Variants in SNTG1 observed in about 807,000 individuals in gnomAD.
The protein encoded by SNTG1 is syntrophin gamma 1.
SNTG1 carries 39 observed loss-of-function variants against 74.7 expected under a neutral mutation model. That is an observed-to-expected ratio of 0.52 (90% CI 0.40 to 0.68). The LOEUF is 0.68. SNTG1 is among the 30% of genes least tolerant of loss of function. The pLI is 0.00. For missense variants in SNTG1, 685 were observed against 609.5 expected, an observed-to-expected ratio of 1.12 and a Z score of -1.30; for synonymous variants, 254 against 217.1, an observed-to-expected ratio of 1.17 and a Z score of -1.49.
chr8:50,026,276 G>A (rs1050376292), intron 1 of SNTG1, among the ~76,000 whole-genome samples: 1 of 152,120 alleles, frequency 6.6e-6, no homozygotes, highest in East Asian at 1.9e-4. Context: ...TGTGCAGAGG[G>A]TAGTGGTTGA....
intron 15 of SNTG1, among the ~76,000 whole-genome samples, chr8:50,683,349 C>G (rs1243408438): frequency 6.6e-6 from 1 of 152,124 alleles, no homozygotes; most frequent in Non-Finnish European, 1.5e-5. Context: ...AAGGGGAAGA[C>G]AGTATCTAAT....
At chr8:50,063,178 C>G (rs1820621287) in intron 1 of SNTG1, among the ~76,000 whole-genome samples, 1 of 152,186 alleles carries the variant, frequency 6.6e-6, no homozygotes, top group East Asian at 1.9e-4. Context: ...TACGTAATCT[C>G]AGATATCCAA....
rs185487393 is a variant in SNTG1 at position 50,331,136 on chromosome 8, C to T, written c.-27-63076C>T. On this transcript the variant is annotated intron_variant, in intron 2 of 18. Transcript: ENST00000642720. The stretch of plus-strand genomic sequence containing the variant: ...GTGTGTGTGTATGTGCACATTTGTA[C>T]GTACATGCTATATAACTGTCAGGGA... Among the ~76,000 whole-genome samples the T allele has an allele frequency of 1.5e-4, 23 of 152,086 alleles. No individual in the cohort carries two copies. In the East Asian group the frequency reaches 3.7e-3, roughly 24 times the overall value.
At chr8:50,578,426 AG>A in intron 12 of SNTG1, among the ~76,000 whole-genome samples, 1 of 3,358 alleles carries the variant, frequency 3.0e-4, no homozygotes, top group Non-Finnish European at 5.2e-4. Flanking sequence ...AGAGAGAAAG[AG>A]AGAGAGAGAG....
At chr8:50,708,836 G>A (rs1585608033) in intron 16 of SNTG1, 50 bp from the exon 17 acceptor site, 1 of 1,210,740 alleles carries the variant, frequency 8.3e-7, no homozygotes, top group Non-Finnish European at 1.2e-6. Flanking sequence ...TCATAATATT[G>A]ATATTGCATC....
At chr8:49,956,417 A>G (rs1223990073) in intron 1 of SNTG1, among the ~76,000 whole-genome samples, 3 of 152,322 alleles carry the variant, frequency 2.0e-5, no homozygotes, top group Admixed American at 6.5e-5. Flanking sequence ...TGGTTCTAGC[A>G]TATCTCCTCA....
At chr8:50,204,901 A>T (rs1479638987) in intron 2 of SNTG1, among the ~76,000 whole-genome samples, 1 of 152,272 alleles carries the variant, frequency 6.6e-6, no homozygotes, top group South Asian at 2.1e-4. Context: ...ACGTGAACTC[A>T]TCCTTTTTTA....
intron 1 of SNTG1, among the ~76,000 whole-genome samples, chr8:50,040,132 GA>G (rs957048933): frequency 1.6e-4 from 25 of 152,094 alleles, no homozygotes; most frequent in African/African-American, 5.6e-4. Context: ...GAACACCACT[GA>G]CTAAGCACCT....
chr8:50,722,266 C>T (rs1479209398), intron 17 of SNTG1, among the ~76,000 whole-genome samples: 1 of 151,326 alleles, frequency 6.6e-6, no homozygotes, highest in Non-Finnish European at 1.5e-5. Context: ...CATCCACCTC[C>T]CAGGTTCAAG....
chr8:50,047,286 CCATGA>C (rs1819175084), intron 1 of SNTG1, among the ~76,000 whole-genome samples: 2 of 151,862 alleles, frequency 1.3e-5, no homozygotes, highest in South Asian at 4.1e-4. Context: ...CTGCAGTGAG[CCATGA>C]TGGTGCCACC....
intron 1 of SNTG1, among the ~76,000 whole-genome samples, chr8:50,049,042 A>T (rs1239641290): frequency 6.6e-6 from 1 of 152,054 alleles, no homozygotes; most frequent in African/African-American, 2.4e-5. Context: ...AATTAAAAAT[A>T]AAATTATATA....
chr8:50,473,159 G>A (rs1293401423), intron 8 of SNTG1, among the ~76,000 whole-genome samples: 1 of 152,124 alleles, frequency 6.6e-6, no homozygotes, highest in African/African-American at 2.4e-5. Context: ...TATGGGGGTG[G>A]TTTTCCCCAT....
At chr8:50,137,892 C>T (rs540223708) in intron 1 of SNTG1, among the ~76,000 whole-genome samples, 2 of 152,236 alleles carry the variant, frequency 1.3e-5, no homozygotes, top group African/African-American at 4.8e-5. Context: ...CTTGGAGTGA[C>T]TCCTCAAGAC....
intron 12 of SNTG1, among the ~76,000 whole-genome samples, chr8:50,586,236 A>T (rs2094647327): frequency 6.6e-6 from 1 of 152,216 alleles, no homozygotes; most frequent in African/African-American, 2.4e-5. Flanking sequence ...AATTATAATC[A>T]CTACTTATTA....
At chr8:50,578,575 C>A (rs1191456061) in intron 12 of SNTG1, among the ~76,000 whole-genome samples, 1 of 152,100 alleles carries the variant, frequency 6.6e-6, no homozygotes, top group African/African-American at 2.4e-5. Flanking sequence ...TCCTATAATG[C>A]CCACATGTTG....
At chr8:50,678,412 T>G (rs1276870544) in intron 15 of SNTG1, among the ~76,000 whole-genome samples, 2 of 152,092 alleles carry the variant, frequency 1.3e-5, no homozygotes, top group African/African-American at 4.8e-5. Context: ...AGTTGCTCTG[T>G]GTTCTTACTA....
chr8:50,381,288 G>A (rs1392543372), intron 2 of SNTG1, among the ~76,000 whole-genome samples: 1 of 151,296 alleles, frequency 6.6e-6, no homozygotes, highest in African/African-American at 2.4e-5. Flanking sequence ...TTTATCCATG[G>A]ATACAGAAAA....
At chr8:49,969,850 C>T (rs2129918579) in intron 1 of SNTG1, among the ~76,000 whole-genome samples, 1 of 152,198 alleles carries the variant, frequency 6.6e-6, no homozygotes, top group African/African-American at 2.4e-5. Flanking sequence ...TTCTTCTTCA[C>T]TCTTCCTCAG....
chr8:50,336,636 C>T (rs2091153277), intron 2 of SNTG1, among the ~76,000 whole-genome samples: 1 of 152,150 alleles, frequency 6.6e-6, no homozygotes, highest in African/African-American at 2.4e-5. Context: ...CCAGCATTAG[C>T]GAAGTTCCTT....
Sources: gnomAD v4.1 joint callset for allele counts (sites outside exome capture counted in the v4.1 genomes callset) on GRCh38, gnomAD v4.1.1 for gene constraint, MANE v1.5 for transcripts, NCBI Gene and HGNC (gene_info 2026-07-23, HGNC 2026-07-21) for gene names.